DLGAP2: variants seen among roughly 807,000 people sequenced by gnomAD.
DLGAP2 encodes disks large-associated protein 2.
DLGAP2 carries 26 observed loss-of-function variants against 100.3 expected under a neutral mutation model. The observed-to-expected ratio is 0.26, with a 90% CI of 0.19 to 0.36. DLGAP2 has a LOEUF of 0.36. Ranked by LOEUF, DLGAP2 falls within the 10% of genes least tolerant of loss-of-function variation. The pLI is 1.00. For missense variants in DLGAP2, 1,858 were observed against 1,453.2 expected, an observed-to-expected ratio of 1.28 and a Z score of -4.53; for synonymous variants, 886 against 630.1, an observed-to-expected ratio of 1.41 and a Z score of -6.08.
chr8:1,260,500 G>T (rs1338564180), intron 3 of DLGAP2, among the ~76,000 whole-genome samples: 2 of 152,220 alleles, frequency 1.3e-5, no homozygotes, highest in African/African-American at 2.4e-5. Context: ...TAAAAGAAGA[G>T]TTTTTTCCCA....
intron 2 of DLGAP2, among the ~76,000 whole-genome samples, chr8:1,092,015 AAC>A (rs1238507302): frequency 2.0e-5 from 3 of 152,182 alleles, no homozygotes; most frequent in African/African-American, 7.2e-5. Flanking sequence ...AATGGAACAA[AAC>A]ACAGCGTCAG....
Position 1,516,976 on chromosome 8 carries a change from G to A in DLGAP2, c.172+15545G>A, listed in dbSNP as rs566930090. 7.4e-4 allele frequency among the ~76,000 whole-genome samples: 113 copies of A among 152,278 alleles called. No individual in the cohort carries two copies. In the Middle Eastern group the frequency reaches 0.01, roughly 14 times the overall value. On this transcript the variant is annotated intron_variant, in intron 4 of 14. Transcript: ENST00000637795. ...CACCTCATCCACTGTCTCAGGCAGC[G>A]AGAGCCTGCCAGTCCCCAACAGCCC...
At chr8:868,233 G>T (rs1164727546) in intron 1 of DLGAP2, among the ~76,000 whole-genome samples, 1 of 152,212 alleles carries the variant, frequency 6.6e-6, no homozygotes, top group Admixed American at 6.5e-5. Flanking sequence ...TGTCTGTCCT[G>T]TGGGGTCACA....
At chr8:1,200,019 T>G (rs1797836511) in intron 2 of DLGAP2, among the ~76,000 whole-genome samples, 1 of 150,410 alleles carries the variant, frequency 6.6e-6, no homozygotes, top group Admixed American at 6.6e-5. Context: ...TGTGGAAAAG[T>G]GTGGGGAGGC....
chr8:1,499,301 A>T (rs1799639282), intron 3 of DLGAP2, among the ~76,000 whole-genome samples: 1 of 152,116 alleles, frequency 6.6e-6, no homozygotes, highest in Non-Finnish European at 1.5e-5. Context: ...CCCATCCTTC[A>T]AGTCCGCCCT....
At chr8:1,028,043 C>CA (rs1463721213) in intron 2 of DLGAP2, among the ~76,000 whole-genome samples, 4 of 104,068 alleles carry the variant, frequency 3.8e-5, no homozygotes, top group African/African-American at 1.1e-4. Flanking sequence ...GTAGGGTGCT[C>CA]GGTGCCCATT....
intron 1 of DLGAP2, among the ~76,000 whole-genome samples, chr8:770,956 T>C (rs1821340943): frequency 6.6e-6 from 1 of 152,086 alleles, no homozygotes. Context: ...GTGGTCTTCT[T>C]AGTGTAAACA....
intron 6 of DLGAP2, among the ~76,000 whole-genome samples, chr8:1,613,264 T>C (rs1184438341): frequency 6.9e-6 from 1 of 144,332 alleles, no homozygotes; most frequent in Non-Finnish European, 1.5e-5. Flanking sequence ...AAATTGGAAA[T>C]CATCATTCTC....
At chr8:1,569,447 G>A (rs1408145999) in intron 6 of DLGAP2, among the ~76,000 whole-genome samples, 10 of 152,138 alleles carry the variant, frequency 6.6e-5, no homozygotes, top group African/African-American at 2.2e-4. Context: ...GAAAGTCCTC[G>A]AAACTCCTCT....
At chr8:856,202 T>C (rs1033524434) in intron 1 of DLGAP2, among the ~76,000 whole-genome samples, 3 of 150,006 alleles carry the variant, frequency 2.0e-5, no homozygotes, top group Non-Finnish European at 4.4e-5. Context: ...TTTTTTTTTT[T>C]TTTGAGATGG....
At chr8:1,174,708 C>G (rs773105757) in intron 2 of DLGAP2, among the ~76,000 whole-genome samples, 1 of 132,476 alleles carries the variant, frequency 7.5e-6, no homozygotes, top group South Asian at 2.1e-4. Flanking sequence ...CCACCACTAT[C>G]ACCATCACCA....
intron 2 of DLGAP2, among the ~76,000 whole-genome samples, chr8:1,092,558 C>G (rs1445723923): frequency 6.6e-6 from 1 of 152,228 alleles, no homozygotes; most frequent in Non-Finnish European, 1.5e-5. Flanking sequence ...GTGGCCGGCT[C>G]TGTGGCATCC....
chr8:1,313,171 G>A (rs185979090), intron 3 of DLGAP2, among the ~76,000 whole-genome samples: 1 of 152,272 alleles, frequency 6.6e-6, no homozygotes, highest in Admixed American at 6.5e-5. Flanking sequence ...GAACATCACT[G>A]TAAAACAAAA....
intron 1 of DLGAP2, among the ~76,000 whole-genome samples, chr8:882,970 T>C (rs867285): frequency 0.018 from 2,748 of 152,354 alleles, 77 homozygotes; most frequent in African/African-American, 0.062. Context: ...GAGTTTTTGT[T>C]GGTGACACTG....
intron 3 of DLGAP2, among the ~76,000 whole-genome samples, chr8:1,364,822 G>T (rs1461989603): frequency 6.6e-6 from 1 of 152,222 alleles, no homozygotes; most frequent in African/African-American, 2.4e-5. Flanking sequence ...GTCGGAGTTG[G>T]GGAGGCTCCC....
rs146235962 is a variant in DLGAP2 at position 1,638,188 on chromosome 8, C to T, written c.1810+5142C>T. ...GGATCTGTGGCTGAGTTGTGTTCCC[C>T]GGACTTGGTGCTGAACCCTAATCCC... On this transcript the variant is annotated intron_variant, in intron 8 of 14. Transcript: ENST00000637795. 2.3e-3 allele frequency among the ~76,000 whole-genome samples: 346 copies of T among 152,200 alleles called. 1 individual carries two copies. Among genetic ancestry groups the T allele is most frequent in the Non-Finnish European group, 3.1e-3 (209 of 68,004 alleles).
At chr8:1,391,397 C>T (rs1056325122) in intron 3 of DLGAP2, among the ~76,000 whole-genome samples, 8 of 152,136 alleles carry the variant, frequency 5.3e-5, no homozygotes, top group African/African-American at 1.4e-4. Context: ...TGCAGAGGCA[C>T]GCGGCTTATC....
chr8:1,540,617 C>G (rs1256821970), intron 4 of DLGAP2, among the ~76,000 whole-genome samples: 1 of 152,206 alleles, frequency 6.6e-6, no homozygotes, highest in Non-Finnish European at 1.5e-5. Flanking sequence ...GGCTGCACAG[C>G]TCTGCTGCCT....
chr8:782,771 C>A (rs754713590), intron 1 of DLGAP2, among the ~76,000 whole-genome samples: 1 of 152,122 alleles, frequency 6.6e-6, no homozygotes, highest in African/African-American at 2.4e-5. Flanking sequence ...TCTGCCAATC[C>A]CATTCCTACC....
Sources: allele counts gnomAD v4.1 joint callset (sites outside exome capture counted in the v4.1 genomes callset), GRCh38; gene constraint gnomAD v4.1.1; transcripts MANE v1.5; gene names NCBI Gene and HGNC (gene_info 2026-07-23, HGNC 2026-07-21).